Variants in NOTCH2 observed in about 807,000 individuals in gnomAD.
The protein encoded by NOTCH2 is neurogenic locus notch homolog protein 2.
NOTCH2 carries 29 observed loss-of-function variants against 235.8 expected under a neutral mutation model. The ratio of observed to expected loss-of-function variants is 0.12; its 90% CI spans 0.09 to 0.17. The LOEUF is 0.17. NOTCH2 is among the 10% of genes least tolerant of loss of function. The probability of loss-of-function intolerance (pLI) is 1.00; values close to 1 mark genes in which losing one functional copy is unlikely to be tolerated. For synonymous variants in NOTCH2, 1,086 were observed against 1,141.5 expected, an observed-to-expected ratio of 0.95 and a Z score of 0.98; for missense variants, 2,285 against 3,150.2, an observed-to-expected ratio of 0.73 and a Z score of 6.57.
intron 29 of NOTCH2, 52 bp from the exon 30 acceptor site, chr1:119,920,449 C>G (rs775561606): frequency 1.2e-6 from 2 of 1,601,184 alleles, no homozygotes; most frequent in Non-Finnish European, 8.6e-7. Flanking sequence ...CCAGAAACTG[C>G]TAATCAGAAG....
intron 12 of NOTCH2, among the ~76,000 whole-genome samples, chr1:119,956,767 T>A (rs1650717310): frequency 6.6e-6 from 1 of 152,182 alleles, no homozygotes; most frequent in South Asian, 2.1e-4. Flanking sequence ...CCTCCCAAGT[T>A]TTCTTTATTT....
At chr1:120,003,930 G>T (rs1422117070) in intron 3 of NOTCH2, among the ~76,000 whole-genome samples, 2 of 152,184 alleles carry the variant, frequency 1.3e-5, no homozygotes, top group African/African-American at 4.8e-5. Context: ...AGGCCTAGAT[G>T]CTTGTGGGGA....
intron 17 of NOTCH2, among the ~76,000 whole-genome samples, chr1:119,947,915 A>C (rs587688257): frequency 1.3e-5 from 2 of 152,332 alleles, no homozygotes; most frequent in East Asian, 3.9e-4. Flanking sequence ...GCATTTATAT[A>C]AAATGATAAA....
At chr1:120,007,053 C>G (rs1185557403) in intron 2 of NOTCH2, among the ~76,000 whole-genome samples, 1 of 152,210 alleles carries the variant, frequency 6.6e-6, no homozygotes, top group Non-Finnish European at 1.5e-5. Context: ...GCCACAGCCT[C>G]TTCACCCCTC....
In NOTCH2 at chr1:119,955,077, G is replaced by C. The variant is rs2101124402; in HGVS notation, c.2182C>G (p.Pro728Ala). Residue 728 changes from proline to alanine, a missense_variant, in exon 13 of 34, where the codon CCC becomes GCC. Pro to Ala is a conservative substitution (Grantham distance 27). Transcript: ENST00000256646. ...YSQVNECLSN[P>A]CIHGNCTGGL... ...CCAGTACAGTTTCCATGGATGCAGG[G>C]ATTGCTCAGGCATTCGTTCACCTGT... The C allele has an allele frequency of 3.1e-6, 5 of 1,614,088 alleles. No homozygotes were observed. The highest frequency in any genetic ancestry group is 4.2e-6 in the Non-Finnish European group (5 of 1,179,992).
intron 15 of NOTCH2, chr1:119,950,253 T>C (rs1350504998): frequency 1.1e-5 from 4 of 355,382 alleles, no homozygotes; most frequent in Admixed American, 3.8e-5. Flanking sequence ...GCAAGCTCCC[T>C]TTGCCTCAGC....
intron 21 of NOTCH2, 84 bp downstream of exon 21, chr1:119,937,198 G>A: frequency 3.9e-6 from 5 of 1,292,620 alleles, no homozygotes; most frequent in Non-Finnish European, 5.6e-6. Flanking sequence ...TAAGATACAA[G>A]CAGCTAAATT....
Position 119,919,845 on chromosome 1 carries a change from C to T in NOTCH2, c.5480-232G>A, listed in dbSNP as rs56342935. Among the ~76,000 whole-genome samples the T allele has an allele frequency of 0.048, 7,305 of 152,230 alleles. 279 individuals are homozygous for T. Among genetic ancestry groups the T allele is most frequent in the South Asian group, 0.11 (508 of 4,828 alleles). ...TTTAAGCTGGGGGCTCTTCTCTAAA[C>T]ACGTTTTTCTGTTCAAGTTTAAGTG... On this transcript the variant is annotated intron_variant, in intron 30 of 33. Coordinates refer to ENST00000256646, the MANE Select transcript of NOTCH2 (RefSeq NM_024408.4).
intron 25 of NOTCH2, 133 bp downstream of exon 25, chr1:119,925,172 G>T: frequency 9.0e-7 from 1 of 1,111,432 alleles, no homozygotes; most frequent in Non-Finnish European, 1.4e-6. Context: ...AGTGTGCGAT[G>T]GGACAAGGCT....
Position 119,928,304 on chromosome 1 carries a change from C to T in NOTCH2, c.3892+672G>A, listed in dbSNP as rs587748376. Among the ~76,000 whole-genome samples, 4 of 152,284 alleles carry T rather than the reference C, an allele frequency of 2.6e-5. No individual in the cohort carries two copies. In the South Asian group the frequency reaches 8.3e-4, roughly 32 times the overall value. ...GGCAAGGCATTACTTGTGACCACTG[C>T]AACTTTTCATTTCATACCCACATCA... is the stretch of plus-strand genomic sequence containing the variant. On this transcript the variant is annotated intron_variant, in intron 23 of 33. Transcript: ENST00000256646.
chr1:120,037,012 A>G (rs6674892), intron 1 of NOTCH2, among the ~76,000 whole-genome samples: 8,499 of 151,904 alleles, frequency 0.056, 209 homozygotes, highest in African/African-American at 0.12. Context: ...GCAGCCTTCA[A>G]TGTGTTTTAC....
Position 119,915,774 on chromosome 1 carries a change from G to T in NOTCH2, c.6948C>A (p.Ala2316=). The change falls in exon 34 of 34, where the codon GCC becomes GCA. Residue 2316 remains alanine (A), a synonymous_variant. Transcript: ENST00000256646. ...TFQLIPKGSI[A]QPAGAPQPQS... ...GAGGCTGGGGAGCCCCCGCTGGTTG[G>T]GCAATACTGCCTTTAGGGATGAGCT... 1 of 1,609,950 alleles carries T rather than the reference G, an allele frequency of 6.2e-7. No homozygotes were observed. The highest frequency in any genetic ancestry group is 1.3e-5 in the African/African-American group (1 of 74,988).
chr1:119,927,947 T>A (rs1479971318), intron 23 of NOTCH2, among the ~76,000 whole-genome samples: 1 of 152,198 alleles, frequency 6.6e-6, no homozygotes, highest in African/African-American at 2.4e-5. Context: ...GGGCTCAGGA[T>A]GTAGCAGAGT....
At chr1:119,932,192 A>G (rs1649687998) in intron 22 of NOTCH2, among the ~76,000 whole-genome samples, 1 of 152,156 alleles carries the variant, frequency 6.6e-6, no homozygotes, top group African/African-American at 2.4e-5. Context: ...TATTTCACCA[A>G]TATACTTATA....
At chr1:119,972,557 T>C (rs1163742658) in intron 5 of NOTCH2, among the ~76,000 whole-genome samples, 2 of 152,194 alleles carry the variant, frequency 1.3e-5, no homozygotes, top group Non-Finnish European at 2.9e-5. Flanking sequence ...ACATTTCTTA[T>C]GCACCATAAT....
Position 119,997,170 on chromosome 1 carries a change from T to G in NOTCH2, c.578A>C (p.Gln193Pro), listed in dbSNP as rs1652497787. The G allele has an allele frequency of 6.2e-7, 1 of 1,613,902 alleles. No homozygotes were observed. The highest frequency in any genetic ancestry group is 1.3e-5 in the African/African-American group (1 of 74,950). The change falls in exon 4 of 34, where the codon CAG (glutamine) becomes CCG (proline). Residue 193 changes from glutamine (Q) to proline (P), a missense_variant. Gln to Pro is a moderately conservative substitution (Grantham distance 76). This residue lies in a region of NOTCH2 where 431 missense variants were observed against 757.8 expected (regional missense o/e 0.57). Coordinates refer to ENST00000256646, the MANE Select transcript of NOTCH2 (RefSeq NM_024408.4). ...VNECDIPGHC[Q>P]HGGTCLNLPG... is the part of the protein sequence containing the mutation. The stretch of plus-strand genomic sequence containing the variant: ...CAGGTTGAGGCAGGTGCCACCATGC[T>G]GGCAGTGTCCTGGAATGTCACACTC...
chr1:120,011,493 T>G (rs1282098687), intron 2 of NOTCH2, among the ~76,000 whole-genome samples: 1 of 152,242 alleles, frequency 6.6e-6, no homozygotes, highest in Non-Finnish European at 1.5e-5. Flanking sequence ...ACCTTTTTAG[T>G]GGTGCTTCTA....
rs1655678997 is a variant in NOTCH2 at position 120,069,475 on chromosome 1, C to G, written c.-69G>C. 2.0e-6 allele frequency: 3 copies of G among 1,499,572 alleles called. No homozygotes were observed. Among genetic ancestry groups the G allele is most frequent in the Non-Finnish European group, 2.6e-6 (3 of 1,134,366 alleles). The allele number at this position is 1,499,572 out of a possible 1,614,324, so 92.9% of individuals were successfully genotyped here. A position where few individuals can be genotyped will look rare whatever the true frequency, so the allele number is the denominator to read the frequency against. On this transcript the variant is annotated 5_prime_UTR_variant, in exon 1 of 34. Transcript: ENST00000256646. Reference sequence around the variant, plus strand: ...GCAGATCCACATGGGGAGGGGGTCCCGATAGAGGAGCCCCACTCTCTCCTC... The same window carrying G: ...GCAGATCCACATGGGGAGGGGGTCCGGATAGAGGAGCCCCACTCTCTCCTC...
At chr1:119,996,892 T>C (rs1652477273) in intron 4 of NOTCH2, 105 bp downstream of exon 4, 7 of 1,402,960 alleles carry the variant, frequency 5.0e-6, no homozygotes, top group Non-Finnish European at 7.0e-6. Context: ...AAATTCTCAC[T>C]TCCCTTTTTC....
Sources: allele counts gnomAD v4.1 joint callset (sites outside exome capture counted in the v4.1 genomes callset), GRCh38; gene constraint gnomAD v4.1.1; regional missense constraint gnomAD v4.1.1; transcripts MANE v1.5; gene names NCBI Gene and HGNC (gene_info 2026-07-23, HGNC 2026-07-21).